The following GCC2 variants were observed in gnomAD, a reference collection of about 807,000 sequenced individuals.
The protein encoded by GCC2 is GRIP and coiled-coil domain containing 2.
GCC2 carries 120 observed loss-of-function variants against 210.6 expected under a neutral mutation model. The observed-to-expected ratio is 0.57, with a 90% CI of 0.49 to 0.66. The LOEUF (loss-of-function observed/expected upper bound fraction) is 0.66, where lower values mean the gene tolerates loss of function less well. GCC2 is among the 30% of genes least tolerant of loss of function. The pLI is 0.00. For synonymous variants in GCC2, 703 were observed against 652.7 expected, an observed-to-expected ratio of 1.08 and a Z score of -1.17; for missense variants, 1,868 against 1,871.9, an observed-to-expected ratio of 1.00 and a Z score of 0.04.
chr2:108,485,657 A>C lies in GCC2; in HGVS notation c.3635A>C (p.Gln1212Pro). The C allele has an allele frequency of 6.3e-7, 1 of 1,580,352 alleles. No homozygotes were observed. The highest frequency in any genetic ancestry group is 8.6e-7 in the Non-Finnish European group (1 of 1,162,406). The change falls in exon 14 of 23, where the codon CAA becomes CCA. Residue 1212 changes from glutamine to proline, a missense_variant. Coordinates refer to ENST00000309863, the MANE Select transcript of GCC2 (RefSeq NM_181453.4). ...CTAGCTTCATTACAGTCTTCAGTAC[A>C]ACAATATGAAGAAAAAAACACCAAA... ...EEITSLQSSV[Q>P]QYEEKNTKIK...
chr2:108,452,349 A>C, intron 3 of GCC2, 50 bp from the exon 4 acceptor site: 1 of 947,872 alleles, frequency 1.1e-6, no homozygotes, highest in Non-Finnish European at 1.7e-6. Flanking sequence ...TTTCCCAGTA[A>C]TTATGTTCTT....
chr2:108,467,869 A>G (rs971619915), intron 4 of GCC2, among the ~76,000 whole-genome samples: 21 of 152,174 alleles, frequency 1.4e-4, no homozygotes, highest in Admixed American at 1.2e-3. Context: ...AAAATTTGAT[A>G]GAACTCACCT....
chr2:108,465,362 A>G (rs1234879527), intron 4 of GCC2, among the ~76,000 whole-genome samples: 1 of 152,004 alleles, frequency 6.6e-6, no homozygotes, highest in Non-Finnish European at 1.5e-5. Context: ...AAAACTTTTT[A>G]TTTCAATAGC....
chr2:108,483,533 T>A (rs1360392724), intron 12 of GCC2, among the ~76,000 whole-genome samples: 1 of 152,196 alleles, frequency 6.6e-6, no homozygotes, highest in Admixed American at 6.5e-5. Context: ...CCTGCATTGT[T>A]AAACTATTCT....
chr2:108,449,352 G>A (rs753649361), intron 1 of GCC2, 72 bp downstream of exon 1: 2 of 1,522,010 alleles, frequency 1.3e-6, no homozygotes. Flanking sequence ...GAGTGGGCCC[G>A]ATGGGAGGGC....
chr2:108,453,622 T>C (rs1680079096), intron 4 of GCC2, among the ~76,000 whole-genome samples: 1 of 152,092 alleles, frequency 6.6e-6, no homozygotes, highest in African/African-American at 2.4e-5. Flanking sequence ...CTGTCTGTAC[T>C]AAAAATACAA....
chr2:108,469,135 T>G (rs1681054641), intron 5 of GCC2, 51 bp downstream of exon 5: 1 of 1,055,414 alleles, frequency 9.5e-7, no homozygotes, highest in Non-Finnish European at 1.4e-6. Flanking sequence ...TATAGTGTAG[T>G]CATTAATTTT....
intron 19 of GCC2, chr2:108,493,345 C>T (rs1306881670): frequency 1.2e-6 from 1 of 866,830 alleles, no homozygotes; most frequent in African/African-American, 1.8e-5. Context: ...GCCTCGGCCT[C>T]CCAAAATGCT....
rs1558744710 is a variant in GCC2 at position 108,476,054 on chromosome 2, C to CCTTTT, written c.3060+204_3060+205insCTTTT. Reference sequence around the variant, plus strand: ...TGGTTAAGCTTTAAATAGTGGCTTGCTTTTTTTTTTTTTTTTTTTTTTTTT... The same window carrying CCTTTT: ...TGGTTAAGCTTTAAATAGTGGCTTGCCTTTTTTTTTTTTTTTTTTTTTTTTTTTTT... On this transcript the variant is annotated intron_variant, in intron 9 of 22. Coordinates refer to ENST00000309863, the MANE Select transcript of GCC2 (RefSeq NM_181453.4). Among the ~76,000 whole-genome samples, 7 of 96,316 alleles carry CCTTTT rather than the reference C, an allele frequency of 7.3e-5. 1 individual carries two copies. Among genetic ancestry groups the CCTTTT allele is most frequent in the Non-Finnish European group, 1.1e-4 (5 of 46,860 alleles). 63.2% of individuals were successfully genotyped at this position (96,316 alleles called of 152,430 possible).
At chr2:108,498,644 T>C (rs1482234960) in intron 21 of GCC2, among the ~76,000 whole-genome samples, 1 of 152,236 alleles carries the variant, frequency 6.6e-6, no homozygotes, top group Non-Finnish European at 1.5e-5. Flanking sequence ...TATGGCTTGG[T>C]TTCAACCTGG....
chr2:108,474,350 T>C (rs1361329187), intron 7 of GCC2, among the ~76,000 whole-genome samples: 3 of 152,098 alleles, frequency 2.0e-5, no homozygotes. Context: ...GCAAGTGACA[T>C]GGAAGTGAAA....
chr2:108,481,892 T>A (rs1681873890), intron 10 of GCC2, 76 bp downstream of exon 10: 1 of 1,114,226 alleles, frequency 9.0e-7, no homozygotes, highest in South Asian at 1.7e-5. Context: ...CATAAAAAAT[T>A]TAAAAAATAT....
chr2:108,500,239 T>C (rs2917987), intron 22 of GCC2, among the ~76,000 whole-genome samples: 25 of 152,248 alleles, frequency 1.6e-4, no homozygotes, highest in East Asian at 1.4e-3. Flanking sequence ...ATAGGCCAGG[T>C]GCCGGTGGTT....
chr2:108,492,480 T>C (rs538376548), intron 18 of GCC2, 93 bp from the exon 19 acceptor site: 15 of 755,926 alleles, frequency 2.0e-5, no homozygotes, highest in African/African-American at 3.4e-5. Flanking sequence ...GTAGAGGTCT[T>C]AGAGCTAATT....
At chr2:108,501,051 A>G (rs1682900499) in intron 22 of GCC2, among the ~76,000 whole-genome samples, 1 of 152,074 alleles carries the variant, frequency 6.6e-6, no homozygotes, top group African/African-American at 2.4e-5. Context: ...GCTGGAGTGC[A>G]GTGGTCCGAT....
chr2:108,477,222 C>T (rs904651597), intron 9 of GCC2, among the ~76,000 whole-genome samples: 2 of 151,954 alleles, frequency 1.3e-5, no homozygotes, highest in African/African-American at 4.8e-5. Flanking sequence ...CACAGAGTTA[C>T]AGTAATGTGG....
chr2:108,467,028 A>G (rs1331437808), intron 4 of GCC2, among the ~76,000 whole-genome samples: 1 of 152,124 alleles, frequency 6.6e-6, no homozygotes, highest in Non-Finnish European at 1.5e-5. Context: ...ATTTTTCTAT[A>G]GCCTTAGAGT....
intron 21 of GCC2, 99 bp downstream of exon 21, chr2:108,497,208 C>T: frequency 6.3e-7 from 1 of 1,590,130 alleles, no homozygotes; most frequent in East Asian, 2.2e-5. Flanking sequence ...GCTCCACCTC[C>T]CAGGTTCACG....
chr2:108,458,330 G>A (rs1322027297), intron 4 of GCC2, among the ~76,000 whole-genome samples: 2 of 149,128 alleles, frequency 1.3e-5, no homozygotes, highest in East Asian at 3.9e-4. Flanking sequence ...ATTTTGCTGA[G>A]GATTTTTGCA....
Sources: gnomAD v4.1 joint callset for allele counts (sites outside exome capture counted in the v4.1 genomes callset) on GRCh38, gnomAD v4.1.1 for gene constraint, MANE v1.5 for transcripts, NCBI Gene and HGNC (gene_info 2026-07-23, HGNC 2026-07-21) for gene names.